The following RANBP2 variants were observed in gnomAD, a reference collection of about 807,000 sequenced individuals.
The protein encoded by RANBP2 is RAN binding protein 2.
A neutral mutation model predicts 303.6 loss-of-function variants in RANBP2; 57 were observed. The observed-to-expected ratio is 0.19, with a 90% confidence interval of 0.15 to 0.23. The LOEUF (loss-of-function observed/expected upper bound fraction) is 0.23. RANBP2 is among the 10% of genes least tolerant of loss of function. RANBP2 has a pLI of 1.00. For missense variants in RANBP2, 3,138 were observed against 3,780.8 expected (o/e 0.83, Z 4.46); for synonymous variants, 1,167 against 1,301.5 (o/e 0.90, Z 2.23).
the RANBP2 span, among the ~76,000 whole-genome samples, chr2:109,472,298 C>T: frequency 6.6e-6 from 1 of 151,518 alleles, no homozygotes; most frequent in Non-Finnish European, 1.5e-5. Flanking sequence ...CAGGAGAGGA[C>T]CCGGCCAGGG....
chr2:108,943,833 C>A, the RANBP2 span, among the ~76,000 whole-genome samples: 781 of 152,194 alleles, frequency 5.1e-3, 10 homozygotes, highest in African/African-American at 0.018. Context: ...GGCTGGATGC[C>A]AGCCCGGGGC....
chr2:109,041,525 A>ATT, the RANBP2 span, among the ~76,000 whole-genome samples: 11,337 of 141,988 alleles, frequency 0.08, 555 homozygotes, highest in Middle Eastern at 0.18. Flanking sequence ...ACGGATGTTA[A>ATT]TTTTTTTTTT....
chr2:108,979,124 G>A, the RANBP2 span, among the ~76,000 whole-genome samples: 3 of 152,178 alleles, frequency 2.0e-5, no homozygotes, highest in Non-Finnish European at 4.4e-5. Flanking sequence ...AAACATCTGA[G>A]GATGCCAAGG....
the RANBP2 span, among the ~76,000 whole-genome samples, chr2:109,164,110 T>A: frequency 6.6e-6 from 1 of 152,162 alleles, no homozygotes; most frequent in African/African-American, 2.4e-5. Context: ...ACTCTTCTCT[T>A]GTGTCTGTTA....
the RANBP2 span, among the ~76,000 whole-genome samples, chr2:109,265,193 A>C: frequency 5.3e-5 from 8 of 151,950 alleles, no homozygotes; most frequent in Non-Finnish European, 1.2e-4. Flanking sequence ...GAGGGTTCCT[A>C]GTGGAAAGGA....
chr2:109,599,774 C>A, the RANBP2 span, among the ~76,000 whole-genome samples: 7 of 152,014 alleles, frequency 4.6e-5, no homozygotes, highest in South Asian at 1.2e-3. Flanking sequence ...AAGCTTGCAC[C>A]ATAACAATGA....
At chr2:109,728,135 C>T in the RANBP2 span, among the ~76,000 whole-genome samples, 5 of 152,146 alleles carry the variant, frequency 3.3e-5, no homozygotes, top group Admixed American at 6.6e-5. Flanking sequence ...TAGAGAGGCT[C>T]GCATGGAGAA....
At chr2:108,911,378 T>C in the RANBP2 span, among the ~76,000 whole-genome samples, 2 of 152,074 alleles carry the variant, frequency 1.3e-5, no homozygotes, top group Non-Finnish European at 2.9e-5. Flanking sequence ...AGGGCAGGGT[T>C]TGGTGTGGAG....
chr2:109,466,482 A>G, the RANBP2 span, among the ~76,000 whole-genome samples: 2 of 152,148 alleles, frequency 1.3e-5, no homozygotes, highest in Admixed American at 6.5e-5. Context: ...TACATTTTAG[A>G]TATACCACAG....
At chr2:109,181,819 G>A in the RANBP2 span, among the ~76,000 whole-genome samples, 278 of 152,176 alleles carry the variant, frequency 1.8e-3, no homozygotes, top group African/African-American at 5.8e-3. Flanking sequence ...CACATTCTAA[G>A]ACCATTTTTC....
chr2:108,926,178 A>T, the RANBP2 span, among the ~76,000 whole-genome samples: 1 of 152,142 alleles, frequency 6.6e-6, no homozygotes, highest in African/African-American at 2.4e-5. Flanking sequence ...TGGGCTTGTC[A>T]CCAACCCGAA....
chr2:108,925,257 T>A, the RANBP2 span, among the ~76,000 whole-genome samples: 2 of 152,234 alleles, frequency 1.3e-5, no homozygotes, highest in African/African-American at 2.4e-5. Context: ...GCTGAATGAA[T>A]GAATGACACC....
chr2:109,550,306 A>AG, the RANBP2 span, among the ~76,000 whole-genome samples: 1 of 151,258 alleles, frequency 6.6e-6, no homozygotes, highest in Non-Finnish European at 1.5e-5. Flanking sequence ...ACAAAAAAAA[A>AG]GTATCTTTTT....
the RANBP2 span, among the ~76,000 whole-genome samples, chr2:109,546,425 T>C: frequency 6.6e-6 from 1 of 152,188 alleles, no homozygotes; most frequent in South Asian, 2.1e-4. Context: ...TTGGTAACTT[T>C]AATTTAAATG....
chr2:109,533,797 T>A, the RANBP2 span, among the ~76,000 whole-genome samples: 3 of 152,204 alleles, frequency 2.0e-5, no homozygotes, highest in Non-Finnish European at 2.9e-5. Context: ...ACTTTCAAGA[T>A]TTCTCCAGCT....
chr2:108,753,255 T>C, intron 13 of RANBP2, 96 bp downstream of exon 13: 2 of 1,606,490 alleles, frequency 1.2e-6, no homozygotes, highest in Non-Finnish European at 1.7e-6. Context: ...ATTGCCTTGT[T>C]ATTTAATGGT....
chr2:109,159,293 A>G, the RANBP2 span, among the ~76,000 whole-genome samples: 50 of 152,024 alleles, frequency 3.3e-4, no homozygotes, highest in African/African-American at 1.1e-3. Flanking sequence ...CTCTCTCAGG[A>G]CCGCTGCTGT....
the RANBP2 span, among the ~76,000 whole-genome samples, chr2:109,256,502 C>T: frequency 2.0e-5 from 3 of 152,162 alleles, no homozygotes; most frequent in African/African-American, 7.2e-5. Context: ...CAGTCACAAA[C>T]ACTTACCAAG....
In RANBP2 at chr2:108,768,170, T is replaced by C; in HGVS notation, c.7631T>C (p.Leu2544Ser). 1 of 1,612,038 alleles carries C rather than the reference T, an allele frequency of 6.2e-7. No homozygotes were observed. The highest frequency in any genetic ancestry group is 8.5e-7 in the Non-Finnish European group (1 of 1,179,860). ...GGCAACAGTTCAGCCACTGGGTCTT[T>C]GTTTGGATTTAGTTTTAATGCACCT... ...AFGNSSATGS[L>S]FGFSFNAPLK... The change falls in exon 20 of 29, where the codon TTG becomes TCG. Residue 2544 changes from leucine to serine, a missense_variant. By Grantham distance (145) the Leu-to-Ser change is moderately radical. This residue lies in a region of RANBP2 where 497 missense variants were observed against 465.8 expected (regional missense o/e 1.07). Coordinates refer to ENST00000283195, the MANE Select transcript of RANBP2 (RefSeq NM_006267.5).
Sources: allele counts gnomAD v4.1 joint callset (sites outside exome capture counted in the v4.1 genomes callset), GRCh38; gene constraint gnomAD v4.1.1; regional missense constraint gnomAD v4.1.1; transcripts MANE v1.5; gene names NCBI Gene and HGNC (gene_info 2026-07-23, HGNC 2026-07-21).